The following GTF2H1 variants were observed in gnomAD, a reference collection of about 807,000 sequenced individuals.
The protein encoded by GTF2H1 is BTF2 p62.
Under a neutral mutation model 71.2 loss-of-function variants are expected in GTF2H1, and 16 were observed. That is an observed-to-expected ratio of 0.22 (90% CI 0.15 to 0.34). The LOEUF (loss-of-function observed/expected upper bound fraction) is 0.34, where lower values mean the gene tolerates loss of function less well. Ranked by LOEUF, GTF2H1 falls within the 10% of genes least tolerant of loss-of-function variation. The probability of loss-of-function intolerance (pLI) is 1.00; values close to 1 mark genes in which losing one functional copy is unlikely to be tolerated. For missense variants in GTF2H1, 498 were observed against 648.2 expected (o/e 0.77, Z 2.52); for synonymous variants, 215 against 219.0 (o/e 0.98, Z 0.16).
intron 1 of GTF2H1, among the ~76,000 whole-genome samples, chr11:18,327,372 C>T (rs907469703): frequency 1.3e-5 from 2 of 151,970 alleles, no homozygotes; most frequent in African/African-American, 4.8e-5. Flanking sequence ...TCCCTTCATT[C>T]GCATATATTT....
intron 2 of GTF2H1, 47 bp downstream of exon 2, chr11:18,333,275 C>T (rs772881123): frequency 3.8e-5 from 52 of 1,351,344 alleles, no homozygotes; most frequent in Non-Finnish European, 4.7e-5. Flanking sequence ...GTCATAGTTG[C>T]TAGTAATTTT....
At position 18,365,883 on chromosome 11, in the gene GTF2H1, CT is replaced by C; in HGVS notation, c.*16del. 1 of 1,591,602 alleles carries C rather than the reference CT, an allele frequency of 6.3e-7. No homozygotes were observed. The highest frequency in any genetic ancestry group is 8.6e-7 in the Non-Finnish European group (1 of 1,159,870). On this transcript the variant is annotated 3_prime_UTR_variant, in exon 15 of 15. Coordinates refer to ENST00000265963, the MANE Select transcript of GTF2H1 (RefSeq NM_005316.4). Reference sequence around the variant, plus strand: ...AAGAAAACGTGAGGTGGCCATGATGCTTACAGGTTTTGTGAGATTGAGAGAA... The same window carrying C: ...AAGAAAACGTGAGGTGGCCATGATGCTACAGGTTTTGTGAGATTGAGAGAA...
chr11:18,343,043 T>C (rs1468523753), intron 7 of GTF2H1, among the ~76,000 whole-genome samples: 1 of 152,176 alleles, frequency 6.6e-6, no homozygotes, highest in Non-Finnish European at 1.5e-5. Flanking sequence ...TGCCTCAGGC[T>C]CCCGAGTAGC....
At chr11:18,349,038 G>A (rs1865364321) in intron 9 of GTF2H1, among the ~76,000 whole-genome samples, 2 of 152,118 alleles carry the variant, frequency 1.3e-5, no homozygotes, top group South Asian at 2.1e-4. Flanking sequence ...GGGATTACAG[G>A]CGTGCACCAC....
intron 1 of GTF2H1, among the ~76,000 whole-genome samples, chr11:18,327,291 C>A (rs138317237): frequency 6.7e-6 from 1 of 148,516 alleles, no homozygotes; most frequent in East Asian, 1.9e-4. Flanking sequence ...TATTATAGAT[C>A]AGAAAAGAGA....
chr11:18,341,460 G>GACATTAAC, intron 6 of GTF2H1, 50 bp downstream of exon 6: 1 of 1,606,060 alleles, frequency 6.2e-7, no homozygotes, highest in Admixed American at 1.7e-5. Context: ...CCACCCTCTA[G>GACATTAAC]ACATTATAAG....
chr11:18,332,984 A>C lies in GTF2H1; in HGVS notation c.-15-76A>C, dbSNP rs4150560. ...AGTTTAGATTTTATATTTGAAAGGG[A>C]CTCTAGAAGTCAACAAATTCAACCC... On this transcript the variant is annotated intron_variant, in intron 1 of 14. Coordinates refer to ENST00000265963, the MANE Select transcript of GTF2H1 (RefSeq NM_005316.4). 2,658 of 890,216 alleles carry C rather than the reference A, an allele frequency of 3.0e-3. 85 individuals carry two copies. The Admixed American group carries it at 0.062, about 21-fold the overall frequency. 55.1% of individuals were successfully genotyped at this position (890,216 alleles called of 1,614,324 possible). A position where few individuals can be genotyped will look rare whatever the true frequency, so the allele number is the denominator to read the frequency against.
intron 3 of GTF2H1, among the ~76,000 whole-genome samples, chr11:18,336,621 G>C (rs1865034834): frequency 6.6e-6 from 1 of 152,140 alleles, no homozygotes; most frequent in African/African-American, 2.4e-5. Flanking sequence ...GGGATTGGAA[G>C]GTGCTGAAGT....
At chr11:18,363,292 TTCATTA>T (rs1565021871) in intron 14 of GTF2H1, among the ~76,000 whole-genome samples, 2 of 152,322 alleles carry the variant, frequency 1.3e-5, no homozygotes, top group African/African-American at 2.4e-5. Flanking sequence ...CAGTAACATA[TTCATTA>T]TCATTATCAA....
At chr11:18,347,015 C>T (rs1865310786) in intron 7 of GTF2H1, 1 of 150,566 alleles carries the variant, frequency 6.6e-6, no homozygotes, top group Non-Finnish European at 1.5e-5. Context: ...GCTGGGATTA[C>T]AGGTATCCTG....
At chr11:18,323,104 G>C (rs1864574756) in intron 1 of GTF2H1, among the ~76,000 whole-genome samples, 1 of 152,082 alleles carries the variant, frequency 6.6e-6, no homozygotes, top group African/African-American at 2.4e-5. Flanking sequence ...CTTGTTGTCT[G>C]CACACCTTTT....
chr11:18,365,092 A>AAT (rs35661766), intron 14 of GTF2H1, among the ~76,000 whole-genome samples: 1 of 150,202 alleles, frequency 6.7e-6, no homozygotes, highest in African/African-American at 2.5e-5. Context: ...AAAAAAAAAA[A>AAT]CCTGGCCGGG....
intron 13 of GTF2H1, among the ~76,000 whole-genome samples, chr11:18,360,075 A>C (rs1460776125): frequency 2.0e-5 from 3 of 152,102 alleles, no homozygotes; most frequent in Middle Eastern, 3.4e-3. Flanking sequence ...CCCTGTCTCT[A>C]AATGAATGAA....
chr11:18,356,787 GTTT>G lies in GTF2H1; in HGVS notation c.1261-1148_1261-1146del, dbSNP rs34873148. ...TTTTTTTACACTGTAGTCAATCTTT[GTTT>G]TTTTTTTTTTTTTTTTGCAGTCAGG... is the stretch of plus-strand genomic sequence containing the variant. On this transcript the variant is annotated intron_variant, in intron 11 of 14. Coordinates refer to ENST00000265963, the MANE Select transcript of GTF2H1 (RefSeq NM_005316.4). Among the ~76,000 whole-genome samples, 523 of 112,998 alleles carry G rather than the reference GTTT, an allele frequency of 4.6e-3. 2 individuals carry two copies. Among genetic ancestry groups the G allele is most frequent in the African/African-American group, 0.013 (397 of 30,212 alleles). 74.1% of individuals were successfully genotyped at this position (112,998 alleles called of 152,430 possible).
chr11:18,358,281 C>T (rs1865609692), intron 12 of GTF2H1, among the ~76,000 whole-genome samples: 1 of 152,134 alleles, frequency 6.6e-6, no homozygotes, highest in African/African-American at 2.4e-5. Context: ...ATAGTAAAAG[C>T]TCCTTTCTTC....
chr11:18,365,074 AAAAG>A (rs1865787919), intron 14 of GTF2H1, among the ~76,000 whole-genome samples: 3 of 149,898 alleles, frequency 2.0e-5, no homozygotes, highest in Admixed American at 1.3e-4. Context: ...CACTATTTAA[AAAAG>A]AAAAAAAAAA....
At chr11:18,345,796 G>GTT (rs1554955087) in intron 7 of GTF2H1, among the ~76,000 whole-genome samples, 4 of 125,216 alleles carry the variant, frequency 3.2e-5, no homozygotes, top group Non-Finnish European at 6.6e-5. Flanking sequence ...GCACATATGA[G>GTT]TTTTTTTTTT....
At chr11:18,359,696 A>G (rs1011804748) in intron 13 of GTF2H1, among the ~76,000 whole-genome samples, 2 of 152,166 alleles carry the variant, frequency 1.3e-5, no homozygotes, top group African/African-American at 2.4e-5. Flanking sequence ...ATACGTTGAA[A>G]GACAATAATT....
intron 11 of GTF2H1, among the ~76,000 whole-genome samples, chr11:18,353,969 C>G (rs549520095): frequency 6.6e-6 from 1 of 152,278 alleles, no homozygotes; most frequent in South Asian, 2.1e-4. Context: ...CACTAATGTT[C>G]TACATAGCAA....
Sources: allele counts gnomAD v4.1 joint callset (sites outside exome capture counted in the v4.1 genomes callset), GRCh38; gene constraint gnomAD v4.1.1; transcripts MANE v1.5; gene names NCBI Gene and HGNC (gene_info 2026-07-23, HGNC 2026-07-21).